IMMP2L: variants seen among roughly 807,000 people sequenced by gnomAD.
The protein encoded by IMMP2L is mitochondrial inner membrane protease subunit 2.
A neutral mutation model predicts 19.3 loss-of-function variants in IMMP2L; 18 were observed. That is an observed-to-expected ratio of 0.93 (90% CI 0.64 to 1.38). IMMP2L has a LOEUF of 1.38. Ranked by LOEUF, IMMP2L falls within the 40% of genes most tolerant of loss-of-function variation. The pLI, the probability that IMMP2L is intolerant of heterozygous loss-of-function variation, is 0.00. For synonymous variants in IMMP2L, 76 were observed against 73.0 expected, an observed-to-expected ratio of 1.04 and a Z score of -0.21; for missense variants, 233 against 218.2, an observed-to-expected ratio of 1.07 and a Z score of -0.43.
At position 110,863,017 on chromosome 7, in the gene IMMP2L, C is replaced by T. The variant is rs529456009; in HGVS notation, c.408+23576G>A. 3.3e-5 allele frequency among the ~76,000 whole-genome samples: 5 copies of T among 152,202 alleles called. No homozygotes were observed. In the South Asian group the frequency reaches 8.3e-4, roughly 25 times the overall value. ...AAACTGGGGGATCGGAGAACCAGCA[C>T]AAATTCTGATACTCTGGCTACTGCT... On this transcript the variant is annotated intron_variant, in intron 5 of 5. Coordinates refer to ENST00000405709, the MANE Select transcript of IMMP2L (RefSeq NM_032549.4).
intron 3 of IMMP2L, among the ~76,000 whole-genome samples, chr7:111,148,258 TA>T (rs1803695256): frequency 6.6e-6 from 1 of 152,038 alleles, no homozygotes; most frequent in Non-Finnish European, 1.5e-5. Flanking sequence ...CCACTCACAA[TA>T]AGTTAAATAT....
chr7:111,030,884 GTATATATATATATATATATATATATA>G (rs57774530), intron 3 of IMMP2L, among the ~76,000 whole-genome samples: 2 of 127,142 alleles, frequency 1.6e-5, no homozygotes, highest in African/African-American at 6.1e-5. Flanking sequence ...GTGTGTGTGT[GTATATATATATATATATATATATATA>G]TATATATATA....
chr7:110,804,304 T>G (rs1234002459), intron 5 of IMMP2L, among the ~76,000 whole-genome samples: 2 of 152,084 alleles, frequency 1.3e-5, no homozygotes, highest in East Asian at 3.9e-4. Flanking sequence ...AAGAACCTCC[T>G]ATACACCAAA....
intron 3 of IMMP2L, among the ~76,000 whole-genome samples, chr7:110,991,224 T>C (rs138515413): frequency 6.6e-6 from 1 of 152,136 alleles, no homozygotes; most frequent in Admixed American, 6.6e-5. Context: ...AAATGGCCCA[T>C]GTCACTTCGT....
At chr7:111,453,400 C>T (rs776429998) in intron 3 of IMMP2L, among the ~76,000 whole-genome samples, 5 of 152,212 alleles carry the variant, frequency 3.3e-5, no homozygotes, top group East Asian at 3.9e-4. Context: ...CTGATCAGCA[C>T]GGCCCTTCAA....
intron 2 of IMMP2L, among the ~76,000 whole-genome samples, chr7:111,518,356 T>A (rs1363106818): frequency 6.6e-6 from 1 of 152,118 alleles, no homozygotes; most frequent in African/African-American, 2.4e-5. Flanking sequence ...AAGACTAGTA[T>A]TACACCTCCC....
intron 2 of IMMP2L, among the ~76,000 whole-genome samples, chr7:111,489,887 G>T (rs990907372): frequency 2.6e-5 from 4 of 151,884 alleles, no homozygotes; most frequent in Admixed American, 6.6e-5. Flanking sequence ...TTTTTTTTGA[G>T]ACAGTCTCTT....
In IMMP2L at chr7:110,726,045, C is replaced by T. The variant is rs568666298; in HGVS notation, c.409-62324G>A. ...AGATTAAATAACTTGCCCAAAGACA[C>T]ACAACTAATAAATTGTGGAGCTGGA... On this transcript the variant is annotated intron_variant, in intron 5 of 5. Coordinates refer to ENST00000405709, the MANE Select transcript of IMMP2L (RefSeq NM_032549.4). Among the ~76,000 whole-genome samples the T allele has an allele frequency of 9.2e-5, 14 of 152,282 alleles. No homozygotes were observed. In the South Asian group the frequency reaches 2.7e-3, roughly 29 times the overall value.
intron 3 of IMMP2L, among the ~76,000 whole-genome samples, chr7:111,269,697 G>A (rs1818241482): frequency 6.6e-6 from 1 of 151,912 alleles, no homozygotes; most frequent in South Asian, 2.1e-4. Flanking sequence ...AACAAATTAT[G>A]AAATTATGTT....
intron 3 of IMMP2L, among the ~76,000 whole-genome samples, chr7:111,039,636 A>C (rs575739025): frequency 6.6e-6 from 1 of 152,230 alleles, no homozygotes; most frequent in Non-Finnish European, 1.5e-5. Flanking sequence ...ATAAAGTATT[A>C]ACATGGTAGT....
intron 3 of IMMP2L, among the ~76,000 whole-genome samples, chr7:111,016,816 T>TA (rs1563163025): frequency 4.0e-5 from 2 of 49,820 alleles, no homozygotes; most frequent in South Asian, 1.2e-3. Context: ...ATACTATATA[T>TA]TATATATAAT....
chr7:111,469,773 A>G (rs185016111), intron 3 of IMMP2L, among the ~76,000 whole-genome samples: 242 of 152,268 alleles, frequency 1.6e-3, no homozygotes, highest in African/African-American at 4.7e-3. Flanking sequence ...TAAAAACCCT[A>G]GAAGAAAACC....
At chr7:110,686,342 C>G in intron 5 of IMMP2L, among the ~76,000 whole-genome samples, 1 of 150,570 alleles carries the variant, frequency 6.6e-6, no homozygotes, top group South Asian at 2.1e-4. Context: ...TGTTTTTTTG[C>G]TCTCTTTATA....
In IMMP2L at chr7:111,122,742, G is replaced by GC. The variant is rs753188133; in HGVS notation, c.240-159178dup. The GC allele has an allele frequency of 1.9e-5, 29 of 1,559,252 alleles. No individual in the cohort carries two copies. The African/African-American group carries it at 3.9e-4, about 21-fold the overall frequency. Reference sequence around the variant, plus strand: ...AGCACTGACTGTGGAATCCTTAAGGGCCCATTACATTTCTGAAGAAGAAAG... The same window carrying GC: ...AGCACTGACTGTGGAATCCTTAAGGGCCCCATTACATTTCTGAAGAAGAAAG... On this transcript the variant is annotated intron_variant, in intron 3 of 5. Coordinates refer to ENST00000405709, the MANE Select transcript of IMMP2L (RefSeq NM_032549.4).
chr7:110,680,949 T>G (rs1043968542), intron 5 of IMMP2L, among the ~76,000 whole-genome samples: 3 of 152,114 alleles, frequency 2.0e-5, no homozygotes, highest in African/African-American at 7.2e-5. Flanking sequence ...GGGTGTGCTG[T>G]GTTCCTAGCT....
At chr7:111,379,115 T>C (rs1332817592) in intron 3 of IMMP2L, among the ~76,000 whole-genome samples, 1 of 149,382 alleles carries the variant, frequency 6.7e-6, no homozygotes, top group Non-Finnish European at 1.5e-5. Context: ...GTTTATCAAC[T>C]GAAGAACACA....
chr7:110,886,765 A>C, intron 4 of IMMP2L, 70 bp from the exon 5 acceptor site: 1 of 725,036 alleles, frequency 1.4e-6, no homozygotes, highest in Non-Finnish European at 2.5e-6. Context: ...ATACAAACTT[A>C]GGAATGGTGA....
intron 5 of IMMP2L, among the ~76,000 whole-genome samples, chr7:110,666,983 T>C (rs930340973): frequency 7.9e-5 from 12 of 152,178 alleles, no homozygotes; most frequent in African/African-American, 2.9e-4. Context: ...GCCATTCTCC[T>C]GCCTCAGCCT....
chr7:111,516,927 G>T (rs1845920835), intron 2 of IMMP2L, among the ~76,000 whole-genome samples: 1 of 152,004 alleles, frequency 6.6e-6, no homozygotes, highest in South Asian at 2.1e-4. Flanking sequence ...GCCAGCTTGT[G>T]CCCAGTATCT....
Sources: allele counts gnomAD v4.1 joint callset (sites outside exome capture counted in the v4.1 genomes callset), GRCh38; gene constraint gnomAD v4.1.1; transcripts MANE v1.5; gene names NCBI Gene and HGNC (gene_info 2026-07-23, HGNC 2026-07-21).